Variants in PHACTR1 observed in about 807,000 individuals in gnomAD.
The protein encoded by PHACTR1 is phosphatase and actin regulator 1, also known as RPEL repeat containing 1.
A neutral mutation model predicts 69.2 loss-of-function variants in PHACTR1; 16 were observed. The observed-to-expected ratio is 0.23, with a 90% CI of 0.16 to 0.35. The LOEUF (loss-of-function observed/expected upper bound fraction) is 0.35. Ranked by LOEUF, PHACTR1 falls within the 10% of genes least tolerant of loss-of-function variation. The pLI, the probability that PHACTR1 is intolerant of heterozygous loss-of-function variation, is 1.00. For synonymous variants in PHACTR1, 312 were observed against 284.5 expected (o/e 1.10, Z -0.97); for missense variants, 510 against 734.7 (o/e 0.69, Z 3.54).
In PHACTR1 at chr6:13,231,044, AAAG is replaced by A. The variant is rs1562036507; in HGVS notation, c.1391+852_1391+854del. Reference sequence around the variant, plus strand: ...GAAAGAAAGAAAGAGAGAGAGAGAGAAAGGAAGGAAGGAAGGAAGGAAGGAAGG... The same window carrying A: ...GAAAGAAAGAAAGAGAGAGAGAGAGAGAAGGAAGGAAGGAAGGAAGGAAGG... On this transcript the variant is annotated intron_variant, in intron 10 of 14. Transcript: ENST00000332995. 4.3e-5 allele frequency among the ~76,000 whole-genome samples: 3 copies of A among 69,542 alleles called. No individual in the cohort carries two copies. In the Admixed American group the frequency reaches 8.2e-4, roughly 19 times the overall value. The allele number at this position is 69,542 out of a possible 152,430, so 45.6% of individuals were successfully genotyped here. A position where few individuals can be genotyped will look rare whatever the true frequency, so the allele number is the denominator to read the frequency against.
intron 8 of PHACTR1, among the ~76,000 whole-genome samples, chr6:13,211,671 A>C (rs899589395): frequency 1.3e-5 from 2 of 152,072 alleles, no homozygotes; most frequent in African/African-American, 4.8e-5. Flanking sequence ...CCCACATCTG[A>C]CTGTCCGCAA....
At chr6:13,252,498 T>G (rs1478940017) in intron 10 of PHACTR1, among the ~76,000 whole-genome samples, 3 of 152,128 alleles carry the variant, frequency 2.0e-5, no homozygotes, top group Non-Finnish European at 4.4e-5. Context: ...TTCCATTATT[T>G]CCATTATTAA....
intron 4 of PHACTR1, among the ~76,000 whole-genome samples, chr6:12,892,663 T>C (rs756070388): frequency 1.3e-5 from 2 of 152,222 alleles, no homozygotes; most frequent in African/African-American, 2.4e-5. Flanking sequence ...AGACATCTTT[T>C]TCCCCCCATG....
intron 5 of PHACTR1, among the ~76,000 whole-genome samples, chr6:13,145,527 C>T (rs374688031): frequency 3.9e-5 from 6 of 152,254 alleles, no homozygotes; most frequent in East Asian, 1.9e-4. Flanking sequence ...TGTTTGTGCC[C>T]GCCCCACCAC....
At chr6:12,861,355 C>T (rs1780920357) in intron 4 of PHACTR1, among the ~76,000 whole-genome samples, 1 of 152,198 alleles carries the variant, frequency 6.6e-6, no homozygotes, top group South Asian at 2.1e-4. Context: ...ACACACAGGT[C>T]CTGTTAACCA....
At chr6:12,808,481 T>G (rs148039703) in intron 4 of PHACTR1, among the ~76,000 whole-genome samples, 1,911 of 152,224 alleles carry the variant, frequency 0.013, 26 homozygotes, top group Non-Finnish European at 0.019. Context: ...GGAATTGGGG[T>G]AATTAAAAGA....
At chr6:13,014,712 G>T (rs1422436449) in intron 4 of PHACTR1, among the ~76,000 whole-genome samples, 2 of 151,926 alleles carry the variant, frequency 1.3e-5, no homozygotes, top group East Asian at 3.9e-4. Flanking sequence ...GATGCCCAAA[G>T]ACCAAAATGT....
At chr6:12,966,186 AG>A (rs1194065900) in intron 4 of PHACTR1, among the ~76,000 whole-genome samples, 1 of 152,154 alleles carries the variant, frequency 6.6e-6, no homozygotes, top group Non-Finnish European at 1.5e-5. Flanking sequence ...GGTAGGAAGC[AG>A]CTCCAGCAGC....
At chr6:12,957,861 G>A in intron 4 of PHACTR1, 1 of 985,484 alleles carries the variant, frequency 1.0e-6, no homozygotes. Context: ...GAAGGAAGGC[G>A]AAGGGGCTGC....
intron 4 of PHACTR1, among the ~76,000 whole-genome samples, chr6:12,800,813 T>C (rs1474125852): frequency 6.6e-6 from 1 of 151,890 alleles, no homozygotes; most frequent in South Asian, 2.1e-4. Flanking sequence ...ACCTGAGCCC[T>C]GGAGGTCCAA....
chr6:13,000,061 G>A (rs1406343292), intron 4 of PHACTR1, among the ~76,000 whole-genome samples: 1 of 152,198 alleles, frequency 6.6e-6, no homozygotes, highest in Non-Finnish European at 1.5e-5. Flanking sequence ...GACTGAGCAG[G>A]GAACTCTGTT....
intron 4 of PHACTR1, among the ~76,000 whole-genome samples, chr6:12,789,124 G>C (rs141885350): frequency 1.2e-3 from 179 of 152,262 alleles, no homozygotes; most frequent in African/African-American, 4.1e-3. Context: ...CCAGGTTTAG[G>C]TGTTTGTTTT....
chr6:13,281,099 A>G (rs1402392287), intron 12 of PHACTR1: 9 of 1,289,514 alleles, frequency 7.0e-6, no homozygotes, highest in South Asian at 2.5e-5. Context: ...ATGTTCAGGC[A>G]TAAGAAACAG....
At chr6:12,836,575 T>A (rs1778188943) in intron 4 of PHACTR1, among the ~76,000 whole-genome samples, 1 of 152,054 alleles carries the variant, frequency 6.6e-6, no homozygotes, top group African/African-American at 2.4e-5. Context: ...ATTGAAACTG[T>A]CCCTGTAAAC....
intron 5 of PHACTR1, among the ~76,000 whole-genome samples, chr6:13,130,177 G>GC: frequency 6.6e-6 from 1 of 152,046 alleles, no homozygotes; most frequent in Non-Finnish European, 1.5e-5. Context: ...ACAGTTCATA[G>GC]CCTATGTCAA....
At chr6:13,147,198 C>T (rs956383438) in intron 5 of PHACTR1, among the ~76,000 whole-genome samples, 4 of 152,224 alleles carry the variant, frequency 2.6e-5, no homozygotes, top group Admixed American at 6.5e-5. Flanking sequence ...TAAATGGAGA[C>T]GGAATTATTT....
intron 4 of PHACTR1, among the ~76,000 whole-genome samples, chr6:12,905,176 C>T (rs1785592002): frequency 6.6e-6 from 1 of 152,080 alleles, no homozygotes; most frequent in Non-Finnish European, 1.5e-5. Context: ...AAAGTTTCTC[C>T]AGGGGATTCT....
intron 4 of PHACTR1, among the ~76,000 whole-genome samples, chr6:12,784,132 C>T (rs1771186989): frequency 6.6e-6 from 1 of 151,798 alleles, no homozygotes; most frequent in Non-Finnish European, 1.5e-5. Flanking sequence ...TATACATATG[C>T]ACATATACAT....
At chr6:12,878,016 C>T (rs1026244705) in intron 4 of PHACTR1, among the ~76,000 whole-genome samples, 14 of 152,166 alleles carry the variant, frequency 9.2e-5, no homozygotes, top group Admixed American at 8.5e-4. Flanking sequence ...TATGTGTTTC[C>T]CAGTCATATC....
Sources: allele counts gnomAD v4.1 joint callset (sites outside exome capture counted in the v4.1 genomes callset), GRCh38; gene constraint gnomAD v4.1.1; transcripts MANE v1.5; gene names NCBI Gene and HGNC (gene_info 2026-07-23, HGNC 2026-07-21).